Variants in REV1 observed in about 807,000 individuals in gnomAD.
The protein encoded by REV1 is translesion synthesis protein REV1.
In REV1, 42 loss-of-function variants were observed where a neutral mutation model predicts 137.4. The ratio of observed to expected loss-of-function variants is 0.31; its 90% confidence interval spans 0.24 to 0.40. REV1 has a LOEUF of 0.40. REV1 is among the 10% of genes least tolerant of loss of function. The probability of loss-of-function intolerance (pLI) is 1.00; values close to 1 mark genes in which losing one functional copy is unlikely to be tolerated. For missense variants in REV1, 1,282 were observed against 1,490.1 expected (o/e 0.86, Z 2.30); for synonymous variants, 524 against 519.2 (o/e 1.01, Z -0.12).
At chr2:99,485,757 AT>A (rs953595307) in intron 1 of REV1, among the ~76,000 whole-genome samples, 1 of 152,242 alleles carries the variant, frequency 6.6e-6, no homozygotes, top group East Asian at 1.9e-4. Context: ...CACAAAATGT[AT>A]TTTTTAAAGG....
intron 1 of REV1, among the ~76,000 whole-genome samples, chr2:99,480,905 G>C (rs1342097672): frequency 6.6e-6 from 1 of 152,008 alleles, no homozygotes; most frequent in African/African-American, 2.4e-5. Context: ...CAAGACACCA[G>C]AAGTCTTATT....
In REV1 at chr2:99,404,681, T is replaced by C. The variant is rs956914523; in HGVS notation, c.2812-4A>G. ...CTTCTAAAACAGACTGATCCAGCTA[T>C]AAAATGCCAAACATATGAGTAGGAA... On this transcript the variant is annotated splice_polypyrimidine_tract_variant and splice_region_variant and intron_variant, in intron 17 of 22. Coordinates refer to ENST00000258428, the MANE Select transcript of REV1 (RefSeq NM_016316.4). 1 of 1,602,938 alleles carries C rather than the reference T, an allele frequency of 6.2e-7. No individual in the cohort carries two copies. The highest frequency in any genetic ancestry group is 8.5e-7 in the Non-Finnish European group (1 of 1,172,992).
chr2:99,423,980 C>T (rs891055997), intron 10 of REV1, among the ~76,000 whole-genome samples, 172 bp downstream of exon 10: 1 of 152,138 alleles, frequency 6.6e-6, no homozygotes, highest in Non-Finnish European at 1.5e-5. Context: ...GATTGAGCTA[C>T]CTGGAAATTG....
intron 13 of REV1, among the ~76,000 whole-genome samples, chr2:99,411,497 C>T (rs1193292054): frequency 6.6e-6 from 1 of 151,124 alleles, no homozygotes; most frequent in African/African-American, 2.4e-5. Flanking sequence ...ACCTCCGCCT[C>T]CCAGGTTCAA....
At chr2:99,434,549 T>C in intron 7 of REV1, 101 bp from the exon 8 acceptor site, 2 of 597,194 alleles carry the variant, frequency 3.3e-6, no homozygotes. Flanking sequence ...GCCTTTTTTT[T>C]CTTTAGCTTT....
chr2:99,444,847 C>T (rs1575123375), intron 4 of REV1, among the ~76,000 whole-genome samples: 1 of 152,030 alleles, frequency 6.6e-6, no homozygotes, highest in Admixed American at 6.6e-5. Flanking sequence ...TTACTATTTC[C>T]CCTCTTGTTC....
chr2:99,461,867 G>C (rs1684246061), intron 3 of REV1, among the ~76,000 whole-genome samples: 1 of 152,188 alleles, frequency 6.6e-6, no homozygotes, highest in Non-Finnish European at 1.5e-5. Flanking sequence ...AGGCAAAGAA[G>C]CATTTGCACA....
chr2:99,409,626 T>C (rs1038061171), intron 14 of REV1, among the ~76,000 whole-genome samples: 1 of 151,956 alleles, frequency 6.6e-6, no homozygotes, highest in Non-Finnish European at 1.5e-5. Flanking sequence ...GGCGGATCAT[T>C]TGAAGTCAGG....
intron 3 of REV1, among the ~76,000 whole-genome samples, chr2:99,456,532 C>A (rs1452979728): frequency 1.1e-4 from 16 of 152,136 alleles, no homozygotes; most frequent in Admixed American, 1.0e-3. Context: ...CCTGAGGAAG[C>A]AGAAGGAACT....
chr2:99,403,241 A>T (rs1345171823), intron 19 of REV1, 135 bp from the exon 20 acceptor site: 8 of 712,564 alleles, frequency 1.1e-5, no homozygotes, highest in Non-Finnish European at 2.3e-6. Context: ...CCCAAGTGAG[A>T]GGCAGTGAAT....
chr2:99,468,551 T>C (rs1325977635), intron 1 of REV1, among the ~76,000 whole-genome samples: 1 of 152,188 alleles, frequency 6.6e-6, no homozygotes, highest in Non-Finnish European at 1.5e-5. Flanking sequence ...TAAACAAAAA[T>C]TGCCTTCTAG....
intron 3 of REV1, among the ~76,000 whole-genome samples, chr2:99,453,742 A>C (rs773058644): frequency 4.6e-5 from 7 of 151,638 alleles, no homozygotes; most frequent in Non-Finnish European, 8.8e-5. Flanking sequence ...AAAATACAAA[A>C]ATCAGCTGGG....
At chr2:99,483,226 CT>C (rs1298672885) in intron 1 of REV1, among the ~76,000 whole-genome samples, 1 of 152,008 alleles carries the variant, frequency 6.6e-6, no homozygotes, top group Admixed American at 6.5e-5. Context: ...AGCAAAAAAT[CT>C]AAGTAGTTTC....
At chr2:99,416,458 A>G (rs1283845702) in intron 12 of REV1, among the ~76,000 whole-genome samples, 10 of 152,248 alleles carry the variant, frequency 6.6e-5, no homozygotes, top group Admixed American at 6.5e-4. Flanking sequence ...TATAACAGTC[A>G]GGTTAAGGAT....
At chr2:99,459,307 A>G (rs908306281) in intron 3 of REV1, among the ~76,000 whole-genome samples, 1 of 152,178 alleles carries the variant, frequency 6.6e-6, no homozygotes, top group African/African-American at 2.4e-5. Context: ...CAAGTTTATT[A>G]CATATTACCA....
Position 99,439,081 on chromosome 2 carries a change from T to C in REV1, c.733A>G (p.Met245Val), listed in dbSNP as rs373000879. 6.8e-6 allele frequency: 11 copies of C among 1,614,002 alleles called. No individual in the cohort carries two copies. The highest frequency in any genetic ancestry group is 9.3e-6 in the Non-Finnish European group (11 of 1,179,984). ...ALKTQDCLVP[M>V]VNSVASRLSP... ...AGCCTGCTGGCAACACTGTTGACCATGGGCACCAAGCAATCCTGTGTCTTT... is the reference window on the plus strand; with the variant it reads ...AGCCTGCTGGCAACACTGTTGACCACGGGCACCAAGCAATCCTGTGTCTTT... The change falls in exon 6 of 23, where the codon ATG becomes GTG. Residue 245 changes from methionine to valine, a missense_variant. Around this residue, in one of 7 missense-constraint regions of REV1, gnomAD observed 432 missense variants for 438.0 expected, o/e 0.99. Transcript: ENST00000258428.
intron 1 of REV1, among the ~76,000 whole-genome samples, chr2:99,478,064 C>A (rs1686183627): frequency 6.6e-6 from 1 of 152,132 alleles, no homozygotes; most frequent in South Asian, 2.1e-4. Context: ...AAAATCCCAT[C>A]TTTATAAAAA....
intron 4 of REV1, among the ~76,000 whole-genome samples, chr2:99,443,911 C>T (rs903576138): frequency 1.3e-5 from 2 of 151,756 alleles, no homozygotes; most frequent in African/African-American, 2.4e-5. Context: ...GGCGCGATCT[C>T]GGCTTCACGC....
At position 99,421,553 on chromosome 2, in the gene REV1, C is replaced by T; in HGVS notation, c.1777G>A (p.Ala593Thr). The change falls in exon 11 of 23, where the codon GCT becomes ACT. Residue 593 changes from alanine (A) to threonine (T), a missense_variant. Transcript: ENST00000258428. ...TGGTCTTTGATTTCCATACGAACAG[C>T]ATTTGCAAATTCATCAGGAGTAAGT... ...TKLTPDEFANAVRMEIKDQTK... is the reference protein window; with the variant it reads ...TKLTPDEFANTVRMEIKDQTK... 1 of 1,614,080 alleles carries T rather than the reference C, an allele frequency of 6.2e-7. No homozygotes were observed. The highest frequency in any genetic ancestry group is 8.5e-7 in the Non-Finnish European group (1 of 1,179,968).
Sources: allele counts gnomAD v4.1 joint callset (sites outside exome capture counted in the v4.1 genomes callset), GRCh38; gene constraint gnomAD v4.1.1; regional missense constraint gnomAD v4.1.1; transcripts MANE v1.5; gene names NCBI Gene and HGNC (gene_info 2026-07-23, HGNC 2026-07-21).